The following ACSL1 variants were observed in gnomAD, a reference collection of about 807,000 sequenced individuals.
ACSL1 encodes acyl-CoA synthetase long chain family member 1.
In ACSL1, 41 loss-of-function variants were observed where a neutral mutation model predicts 98.4. The observed-to-expected ratio is 0.42, with a 90% CI of 0.32 to 0.54. ACSL1 has a LOEUF of 0.54. ACSL1 is among the 20% of genes least tolerant of loss of function. The pLI is 0.13. For synonymous variants in ACSL1, 316 were observed against 322.7 expected, an observed-to-expected ratio of 0.98 and a Z score of 0.22; for missense variants, 734 against 883.1, an observed-to-expected ratio of 0.83 and a Z score of 2.14.
intron 10 of ACSL1, among the ~76,000 whole-genome samples, chr4:184,770,861 C>T (rs559136465): frequency 1.3e-5 from 2 of 152,188 alleles, no homozygotes; most frequent in Non-Finnish European, 2.9e-5. Context: ...TGGTGGCTCA[C>T]GCCTGTAATC....
At chr4:184,813,376 GGCAGATAGCCTCC>G (rs1772313669) in intron 1 of ACSL1, among the ~76,000 whole-genome samples, 1 of 152,154 alleles carries the variant, frequency 6.6e-6, no homozygotes, top group South Asian at 2.1e-4. Context: ...AGCCAACTTG[GGCAGATAGCCTCC>G]GTCAACAGCT....
At chr4:184,824,517 C>T (rs563243322) in intron 1 of ACSL1, among the ~76,000 whole-genome samples, 2 of 152,136 alleles carry the variant, frequency 1.3e-5, no homozygotes, top group East Asian at 1.9e-4. Flanking sequence ...ATAAGGTGTG[C>T]GGCTAACAAG....
At chr4:184,785,611 G>C (rs972452745) in intron 3 of ACSL1, among the ~76,000 whole-genome samples, 1 of 74,692 alleles carries the variant, frequency 1.3e-5, no homozygotes, top group African/African-American at 6.0e-5. Context: ...GGGGGCGGGG[G>C]GGGGGGGGGG....
At chr4:184,814,091 C>A (rs1340049648) in intron 1 of ACSL1, among the ~76,000 whole-genome samples, 1 of 152,012 alleles carries the variant, frequency 6.6e-6, no homozygotes, top group African/African-American at 2.4e-5. Context: ...GAGATCAAGA[C>A]CATCCTGGCT....
chr4:184,756,910 G>A lies in ACSL1; in HGVS notation c.*215C>T, dbSNP rs1762180694. 1 of 490,040 alleles carries A rather than the reference G, an allele frequency of 2.0e-6. No homozygotes were observed. Among genetic ancestry groups the A allele is most frequent in the Non-Finnish European group, 3.5e-6 (1 of 285,944 alleles). The allele number at this position is 490,040 out of a possible 1,614,324, so 30.4% of individuals were successfully genotyped here. A position where few individuals can be genotyped will look rare whatever the true frequency, so the allele number is the denominator to read the frequency against. Reference sequence around the variant, plus strand: ...ATTTTTAAGGCTCATTTTGGAAAGTGTGTATTACCATAAACATGGTCTGCA... The same window carrying A: ...ATTTTTAAGGCTCATTTTGGAAAGTATGTATTACCATAAACATGGTCTGCA... On this transcript the variant is annotated 3_prime_UTR_variant, in exon 21 of 21. Transcript: ENST00000281455.
At chr4:184,761,535 C>T (rs569417172) in intron 17 of ACSL1, among the ~76,000 whole-genome samples, 1 of 152,340 alleles carries the variant, frequency 6.6e-6, no homozygotes, top group East Asian at 1.9e-4. Flanking sequence ...AAGCTTCTCA[C>T]TCTTAAGATA....
chr4:184,806,430 C>A (rs1422851834), intron 1 of ACSL1, among the ~76,000 whole-genome samples: 2 of 152,148 alleles, frequency 1.3e-5, no homozygotes, highest in Admixed American at 1.3e-4. Context: ...AGTACTCACC[C>A]CGACACACAC....
At chr4:184,791,965 T>C (rs933639836) in intron 2 of ACSL1, among the ~76,000 whole-genome samples, 2 of 152,326 alleles carry the variant, frequency 1.3e-5, no homozygotes, top group African/African-American at 4.8e-5. Flanking sequence ...ACCACCTTGG[T>C]CAATGTCCCA....
rs183982695 is a variant in ACSL1, at chr4:184,819,908, A to T, written c.-33+6008T>A. The stretch of plus-strand genomic sequence containing the variant: ...TCTGGTTCACGATGGCAATACTGAG[A>T]AGGCAAGGAGGAAATGCATGTGTGT... On this transcript the variant is annotated intron_variant, in intron 1 of 20. Coordinates refer to ENST00000281455, the MANE Select transcript of ACSL1 (RefSeq NM_001995.5). Among the ~76,000 whole-genome samples the T allele has an allele frequency of 7.2e-5, 11 of 152,272 alleles. No homozygotes were observed. In the East Asian group the frequency reaches 2.1e-3, roughly 29 times the overall value.
chr4:184,802,445 A>AT (rs2150438964), intron 2 of ACSL1, among the ~76,000 whole-genome samples: 1 of 152,232 alleles, frequency 6.6e-6, no homozygotes, highest in Admixed American at 6.5e-5. Context: ...GTTCTTCTGC[A>AT]TATCTGCTGA....
At chr4:184,782,784 C>A (rs1336898450) in intron 4 of ACSL1, among the ~76,000 whole-genome samples, 1 of 152,160 alleles carries the variant, frequency 6.6e-6, no homozygotes, top group Non-Finnish European at 1.5e-5. Context: ...CAGATGAACA[C>A]CTCTCAAGCA....
intron 2 of ACSL1, among the ~76,000 whole-genome samples, chr4:184,792,444 T>A (rs982553576): frequency 6.6e-6 from 1 of 152,024 alleles, no homozygotes; most frequent in Non-Finnish European, 1.5e-5. Context: ...ATGAATTATT[T>A]TTTTTTCCCG....
Position 184,825,170 on chromosome 4 carries a change from T to G in ACSL1, c.-33+746A>C. The G allele has an allele frequency of 1.0e-6, 1 of 985,306 alleles. No homozygotes were observed. The highest frequency in any genetic ancestry group is 1.2e-6 in the Non-Finnish European group (1 of 829,856). 61.0% of individuals were successfully genotyped at this position (985,306 alleles called of 1,614,324 possible). A position where few individuals can be genotyped will look rare whatever the true frequency, so the allele number is the denominator to read the frequency against. On this transcript the variant is annotated intron_variant, in intron 1 of 20. Coordinates refer to ENST00000281455, the MANE Select transcript of ACSL1 (RefSeq NM_001995.5). This position sits in a 1 kb window ranked among gnomAD's most constrained non-coding sequence, Gnocchi z 4.7. The stretch of plus-strand genomic sequence containing the variant: ...TTCCACACTCTCACAACGCACCGAC[T>G]GGGGGAACGCCTGTCCCCAGACTCG...
At chr4:184,797,430 T>C (rs546603352) in intron 2 of ACSL1, among the ~76,000 whole-genome samples, 1 of 152,330 alleles carries the variant, frequency 6.6e-6, no homozygotes, top group African/African-American at 2.4e-5. Flanking sequence ...GAAATCCTAC[T>C]TGGTAATATG....
chr4:184,817,000 C>G (rs549215445), intron 1 of ACSL1, among the ~76,000 whole-genome samples: 4 of 152,222 alleles, frequency 2.6e-5, no homozygotes, highest in African/African-American at 9.6e-5. Flanking sequence ...TCAGCTCCAG[C>G]CTCAGGGGAT....
chr4:184,772,668 C>A (rs774138866), intron 10 of ACSL1, among the ~76,000 whole-genome samples: 1 of 152,170 alleles, frequency 6.6e-6, no homozygotes. Flanking sequence ...GTCACACTGA[C>A]CACAACAGAT....
At chr4:184,783,892 G>C in intron 4 of ACSL1, 35 bp downstream of exon 4, 1 of 1,583,134 alleles carries the variant, frequency 6.3e-7, no homozygotes, top group South Asian at 1.1e-5. Context: ...CTGCTTGCAA[G>C]AGGAGTCCAC....
chr4:184,768,661 T>C (rs1439917452), intron 11 of ACSL1, among the ~76,000 whole-genome samples: 3 of 152,220 alleles, frequency 2.0e-5, no homozygotes, highest in African/African-American at 7.2e-5. Flanking sequence ...CCTGAAGATA[T>C]GGGACTCAGT....
chr4:184,773,984 C>T lies in ACSL1; in HGVS notation c.757-109G>A. The T allele has an allele frequency of 8.2e-7, 1 of 1,218,814 alleles. No homozygotes were observed. The highest frequency in any genetic ancestry group is 2.2e-5 in the Admixed American group (1 of 46,126). 75.5% of individuals were successfully genotyped at this position (1,218,814 alleles called of 1,614,324 possible). On this transcript the variant is annotated intron_variant, in intron 7 of 20. Coordinates refer to ENST00000281455, the MANE Select transcript of ACSL1 (RefSeq NM_001995.5). The surrounding 1 kb of genome is among the most constrained non-coding windows in gnomAD (Gnocchi z 4.3). ...GCTTTACTGTGGGGTTCATTCACAC[C>T]TGGCTCGAAAACAGCATAATTTTCT...
Sources: gnomAD v4.1 joint callset for allele counts (sites outside exome capture counted in the v4.1 genomes callset) on GRCh38, gnomAD v4.1.1 for gene constraint, Gnocchi (gnomAD v3.1) non-coding constraint, MANE v1.5 for transcripts, NCBI Gene and HGNC (gene_info 2026-07-23, HGNC 2026-07-21) for gene names.